The following SPOCK1 variants were observed in gnomAD, a reference collection of about 807,000 sequenced individuals.
The protein encoded by SPOCK1 is SPARC (osteonectin), cwcv and kazal like domains proteoglycan 1, also known as testican-1.
In SPOCK1, 23 loss-of-function variants were observed where a neutral mutation model predicts 55.3. The ratio of observed to expected loss-of-function variants is 0.42; its 90% CI spans 0.30 to 0.59. The LOEUF (loss-of-function observed/expected upper bound fraction) is 0.59. Among genes scored for constraint, SPOCK1 ranks in the 20% least tolerant of loss-of-function variants. SPOCK1 has a pLI of 0.22. For missense variants in SPOCK1, 499 were observed against 552.5 expected, an observed-to-expected ratio of 0.90 and a Z score of 0.97; for synonymous variants, 226 against 221.0, an observed-to-expected ratio of 1.02 and a Z score of -0.20.
chr5:137,348,029 G>A (rs1156798589), intron 2 of SPOCK1, among the ~76,000 whole-genome samples: 1 of 152,190 alleles, frequency 6.6e-6, no homozygotes, highest in Non-Finnish European at 1.5e-5. Context: ...AGGTGATGCT[G>A]CTGCTGCTGG....
intron 2 of SPOCK1, among the ~76,000 whole-genome samples, chr5:137,356,834 T>TAGAGAGAGAG (rs1231164356): frequency 3.3e-3 from 31 of 9,454 alleles, no homozygotes; most frequent in Non-Finnish European, 5.0e-3. Context: ...TATATATATA[T>TAGAGAGAGAG]ATATAGAGAG....
At position 137,419,184 on chromosome 5, in the gene SPOCK1, T is replaced by C. The variant is rs1052837457; in HGVS notation, c.186+79189A>G. Among the ~76,000 whole-genome samples, 7 of 152,366 alleles carry C rather than the reference T, an allele frequency of 4.6e-5. 1 individual carries two copies. The highest frequency in any genetic ancestry group is 2.4e-5 in the African/African-American group (1 of 41,588). On this transcript the variant is annotated intron_variant, in intron 2 of 10. Coordinates refer to ENST00000394945, the MANE Select transcript of SPOCK1 (RefSeq NM_004598.4). ...TATCTCTGTTTTGGTACTAGTACCA[T>C]GCTGTTTTGGTTACTGTAGCCTTGT...
At chr5:137,498,823 T>G (rs2149847690) in intron 1 of SPOCK1, among the ~76,000 whole-genome samples, 1 of 152,172 alleles carries the variant, frequency 6.6e-6, no homozygotes, top group East Asian at 1.9e-4. Flanking sequence ...ATTCTCCGAG[T>G]GCCCCACAGA....
chr5:137,437,870 CTTGAGAAA>C (rs1381729385), intron 2 of SPOCK1, among the ~76,000 whole-genome samples: 15 of 152,138 alleles, frequency 9.9e-5, no homozygotes, highest in African/African-American at 3.6e-4. Context: ...ACTTTTTCAT[CTTGAGAAA>C]CTGAAATTTA....
At chr5:137,486,667 G>A in intron 2 of SPOCK1, among the ~76,000 whole-genome samples, 1 of 152,168 alleles carries the variant, frequency 6.6e-6, no homozygotes, top group East Asian at 1.9e-4. Context: ...GACCTGGATG[G>A]CCATGCAAAG....
Position 137,039,624 on chromosome 5 carries a change from G to A in SPOCK1, c.589+28091C>T, listed in dbSNP as rs113681264. ...CAGGTCCCACGCCCCCATGGGCAGG[G>A]CCCACACCATCAGTAGGAAAGGCTT... On this transcript the variant is annotated intron_variant, in intron 6 of 10. Transcript: ENST00000394945. Among the ~76,000 whole-genome samples, 444 of 152,296 alleles carry A rather than the reference G, an allele frequency of 2.9e-3. 8 individuals are homozygous for A. The highest frequency in any genetic ancestry group is 0.01 in the African/African-American group (425 of 41,568).
chr5:137,496,230 ATT>A (rs1179664220), intron 2 of SPOCK1, among the ~76,000 whole-genome samples: 1 of 152,222 alleles, frequency 6.6e-6, no homozygotes, highest in South Asian at 2.1e-4. Flanking sequence ...GGATGCTATA[ATT>A]TAACAAGCAC....
intron 4 of SPOCK1, among the ~76,000 whole-genome samples, chr5:137,117,716 T>C (rs193029277): frequency 3.1e-3 from 463 of 150,688 alleles, no homozygotes; most frequent in African/African-American, 6.5e-3. Context: ...ATTCAGACTA[T>C]GAAAAAAAAA....
At chr5:137,342,415 T>C (rs767861176) in intron 2 of SPOCK1, among the ~76,000 whole-genome samples, 26 of 152,362 alleles carry the variant, frequency 1.7e-4, no homozygotes, top group Middle Eastern at 3.4e-3. Context: ...CTATGAATAA[T>C]TGAAAATATA....
At chr5:137,019,172 T>C (rs17521336) in intron 6 of SPOCK1, among the ~76,000 whole-genome samples, 8,426 of 152,272 alleles carry the variant, frequency 0.055, 308 homozygotes, top group Non-Finnish European at 0.076. Flanking sequence ...ATTTTGATTA[T>C]GGGAAATTTA....
At chr5:137,332,803 C>T (rs189248288) in intron 2 of SPOCK1, among the ~76,000 whole-genome samples, 1 of 152,158 alleles carries the variant, frequency 6.6e-6, no homozygotes, top group East Asian at 1.9e-4. Flanking sequence ...CAGATGTCTG[C>T]TGAAAAAATG....
intron 6 of SPOCK1, among the ~76,000 whole-genome samples, chr5:137,025,352 G>A (rs1027895719): frequency 1.3e-5 from 2 of 152,078 alleles, no homozygotes; most frequent in Non-Finnish European, 2.9e-5. Flanking sequence ...ATAAGTCCTG[G>A]AAATGGGACA....
At chr5:137,468,551 C>T (rs1753669121) in intron 2 of SPOCK1, among the ~76,000 whole-genome samples, 1 of 152,170 alleles carries the variant, frequency 6.6e-6, no homozygotes, top group Non-Finnish European at 1.5e-5. Context: ...TGACAAATGG[C>T]CAACATTGTA....
intron 3 of SPOCK1, among the ~76,000 whole-genome samples, chr5:137,161,028 ATT>A (rs1213123508): frequency 3.1e-4 from 41 of 134,186 alleles, no homozygotes; most frequent in South Asian, 7.0e-4. Flanking sequence ...ATATATATAT[ATT>A]ACATATATTT....
chr5:137,049,327 G>T (rs1488807481), intron 6 of SPOCK1, among the ~76,000 whole-genome samples: 1 of 135,020 alleles, frequency 7.4e-6, no homozygotes, highest in Non-Finnish European at 1.6e-5. Flanking sequence ...TTTCTTGGAG[G>T]CTTTGCTCAT....
intron 2 of SPOCK1, among the ~76,000 whole-genome samples, chr5:137,268,106 T>C (rs928089248): frequency 1.3e-5 from 2 of 152,234 alleles, no homozygotes; most frequent in Non-Finnish European, 1.5e-5. Context: ...TGTGTTCTGA[T>C]GCAGTTTATC....
chr5:137,387,861 TAA>T lies in SPOCK1; in HGVS notation c.186+110510_186+110511del, dbSNP rs35984363. Among the ~76,000 whole-genome samples, 239 of 149,206 alleles carry T rather than the reference TAA, an allele frequency of 1.6e-3. 2 individuals are homozygous for T. Among genetic ancestry groups the T allele is most frequent in the African/African-American group, 5.2e-3 (212 of 40,866 alleles). On this transcript the variant is annotated intron_variant, in intron 2 of 10. Coordinates refer to ENST00000394945, the MANE Select transcript of SPOCK1 (RefSeq NM_004598.4). ...ATTTTTGCTGTAAATTTAAAACTGC[TAA>T]AAAAAAAAATAAAGTATATTTAACA... is the stretch of plus-strand genomic sequence containing the variant.
chr5:137,171,650 A>T (rs1251147357), intron 3 of SPOCK1, among the ~76,000 whole-genome samples: 2 of 152,176 alleles, frequency 1.3e-5, no homozygotes, highest in African/African-American at 2.4e-5. Context: ...CAAATGACCA[A>T]AAGTAAAAAT....
At chr5:137,134,046 A>AGGCTGTGCAGCATAGGC (rs1397239884) in intron 4 of SPOCK1, among the ~76,000 whole-genome samples, 1 of 152,138 alleles carries the variant, frequency 6.6e-6, no homozygotes. Context: ...ACAGCAGAGG[A>AGGCTGTGCAGCATAGGC]GGCTGTGCAG....
Sources: allele counts gnomAD v4.1 joint callset (sites outside exome capture counted in the v4.1 genomes callset), GRCh38; gene constraint gnomAD v4.1.1; transcripts MANE v1.5; gene names NCBI Gene and HGNC (gene_info 2026-07-23, HGNC 2026-07-21).